MYO5B: variants seen among roughly 807,000 people sequenced by gnomAD.
The protein encoded by MYO5B is myosin VB, also known as unconventional myosin-Vb.
In MYO5B, 143 loss-of-function variants were observed where a neutral mutation model predicts 229.3. That is an observed-to-expected ratio of 0.62 (90% CI 0.54 to 0.72). The LOEUF is 0.72. Among genes scored for constraint, MYO5B ranks in the 30% least tolerant of loss-of-function variants. The pLI is 0.00. For synonymous variants in MYO5B, 918 were observed against 885.2 expected, an observed-to-expected ratio of 1.04 and a Z score of -0.66; for missense variants, 2,321 against 2,331.0, an observed-to-expected ratio of 1.00 and a Z score of 0.09.
intron 39 of MYO5B, among the ~76,000 whole-genome samples, chr18:49,834,647 T>C (rs528880659): frequency 1.3e-5 from 2 of 151,474 alleles, no homozygotes; most frequent in East Asian, 3.9e-4. Flanking sequence ...AATATTGTCT[T>C]TTTTTTTTGA....
At chr18:49,950,580 T>C (rs12964460) in intron 14 of MYO5B, among the ~76,000 whole-genome samples, 53,781 of 151,980 alleles carry the variant, frequency 0.35, 10,606 homozygotes, top group Middle Eastern at 0.58. Flanking sequence ...ACAACCAAGA[T>C]ACAATGGTAA....
chr18:49,851,333 C>G lies in MYO5B; in HGVS notation c.4222-1673G>C, dbSNP rs537325998. On this transcript the variant is annotated intron_variant, in intron 31 of 39. Coordinates refer to ENST00000285039, the MANE Select transcript of MYO5B (RefSeq NM_001080467.3). Reference sequence around the variant, plus strand: ...CTAAGACATGCCTGGGTGTCTAACCCCCAACCCCCTACAAATCCCAGAAGG... The same window carrying G: ...CTAAGACATGCCTGGGTGTCTAACCGCCAACCCCCTACAAATCCCAGAAGG... 2.0e-4 allele frequency among the ~76,000 whole-genome samples: 30 copies of G among 152,268 alleles called. 2 individuals carry two copies. The South Asian group carries it at 6.0e-3, about 31-fold the overall frequency.
chr18:50,106,002 C>T (rs1322970296), intron 1 of MYO5B, among the ~76,000 whole-genome samples: 3 of 151,950 alleles, frequency 2.0e-5, no homozygotes, highest in African/African-American at 7.3e-5. Flanking sequence ...TTTATAGAAC[C>T]ACCTCAAATT....
At chr18:50,051,312 T>TG (rs1401620848) in intron 2 of MYO5B, among the ~76,000 whole-genome samples, 6 of 152,206 alleles carry the variant, frequency 3.9e-5, no homozygotes, top group Non-Finnish European at 8.8e-5. Context: ...AAAGCTCACA[T>TG]GCTCCCCTGT....
At chr18:49,843,094 T>C (rs2144041196) in intron 34 of MYO5B, 147 bp downstream of exon 34, 1 of 1,034,706 alleles carries the variant, frequency 9.7e-7, no homozygotes, top group Non-Finnish European at 1.5e-6. Context: ...ATCCTGGTTA[T>C]ATGGATGCTT....
At chr18:50,158,425 A>G (rs2032715101) in intron 1 of MYO5B, among the ~76,000 whole-genome samples, 1 of 152,096 alleles carries the variant, frequency 6.6e-6, no homozygotes, top group Admixed American at 6.6e-5. Context: ...TGGACTTTTC[A>G]TCTACATTTT....
chr18:49,879,674 A>T (rs1028790296), intron 23 of MYO5B, among the ~76,000 whole-genome samples: 1 of 152,212 alleles, frequency 6.6e-6, no homozygotes, highest in African/African-American at 2.4e-5. Flanking sequence ...GACATGAATG[A>T]GGAACCTGAG....
intron 18 of MYO5B, among the ~76,000 whole-genome samples, chr18:49,910,590 T>C (rs1242020872): frequency 6.6e-6 from 1 of 150,666 alleles, no homozygotes. Flanking sequence ...AAAGATGGCA[T>C]GGCAAGGTGG....
At chr18:49,878,063 T>C (rs1452820894) in intron 24 of MYO5B, among the ~76,000 whole-genome samples, 181 bp from the exon 25 acceptor site, 1 of 152,216 alleles carries the variant, frequency 6.6e-6, no homozygotes, top group African/African-American at 2.4e-5. Context: ...CCTACAGTTC[T>C]TACTGTAGTC....
At chr18:50,043,257 T>A in intron 2 of MYO5B, among the ~76,000 whole-genome samples, 1 of 121,478 alleles carries the variant, frequency 8.2e-6, no homozygotes, top group Non-Finnish European at 1.7e-5. Flanking sequence ...TACATAAATA[T>A]TCATATATTT....
chr18:50,124,888 T>G lies in MYO5B; in HGVS notation c.28-69510A>C, dbSNP rs115388575. On this transcript the variant is annotated intron_variant, in intron 1 of 39. Transcript: ENST00000285039. ...AACATAAGAATTGGGAAGCCCCACT[T>G]TAATTTCCCCAGACTGGGAGAGGAC... Among the ~76,000 whole-genome samples the G allele has an allele frequency of 3.0e-3, 450 of 152,286 alleles. 2 individuals carry two copies. The highest frequency in any genetic ancestry group is 0.01 in the African/African-American group (429 of 41,550).
At chr18:49,892,151 G>A (rs182712883) in intron 22 of MYO5B, among the ~76,000 whole-genome samples, 11 of 152,338 alleles carry the variant, frequency 7.2e-5, no homozygotes, top group South Asian at 2.1e-4. Context: ...AAAAGCAGCC[G>A]GCATAGGGAT....
At chr18:50,188,785 TAAAAAAAAAAAAAAAAAAAAA>T (rs4042094) in intron 1 of MYO5B, among the ~76,000 whole-genome samples, 3 of 105,136 alleles carry the variant, frequency 2.9e-5, no homozygotes, top group African/African-American at 3.8e-5. Context: ...GACTCTGTCA[TAAAAAAAAAAAAAAAAAAAAA>T]AAAAAAAAAA....
At chr18:49,913,653 C>G (rs1173079475) in intron 17 of MYO5B, among the ~76,000 whole-genome samples, 1 of 152,084 alleles carries the variant, frequency 6.6e-6, no homozygotes, top group Admixed American at 6.5e-5. Flanking sequence ...GAGGACAGTT[C>G]CCTGGCAAAG....
intron 1 of MYO5B, among the ~76,000 whole-genome samples, chr18:50,075,606 G>A (rs2031060551): frequency 6.6e-6 from 1 of 152,112 alleles, no homozygotes; most frequent in Non-Finnish European, 1.5e-5. Context: ...CCTAGTGTGA[G>A]GTCCTACACT....
At chr18:49,979,018 C>G (rs114473564) in intron 9 of MYO5B, among the ~76,000 whole-genome samples, 3,775 of 152,222 alleles carry the variant, frequency 0.025, 146 homozygotes, top group African/African-American at 0.086. Context: ...ATGCTCTATG[C>G]CTTTCTTATC....
intron 9 of MYO5B, among the ~76,000 whole-genome samples, 164 bp from the exon 10 acceptor site, chr18:49,974,779 T>TCACA (rs111420791): frequency 0.015 from 1,809 of 117,068 alleles, 48 homozygotes; most frequent in African/African-American, 0.057. Flanking sequence ...GCAGTCTCTC[T>TCACA]CACACACACA....
chr18:50,054,261 G>T (rs1287566957), intron 2 of MYO5B, among the ~76,000 whole-genome samples: 1 of 152,202 alleles, frequency 6.6e-6, no homozygotes, highest in Non-Finnish European at 1.5e-5. Flanking sequence ...CTACTCCAGG[G>T]GCTGAGGCAG....
In MYO5B at chr18:50,105,154, G is replaced by A. The variant is rs527816061; in HGVS notation, c.28-49776C>T. Among the ~76,000 whole-genome samples the A allele has an allele frequency of 4.0e-5, 6 of 151,632 alleles. No individual in the cohort carries two copies. In the South Asian group the frequency reaches 6.3e-4, roughly 16 times the overall value. ...TGAGGCTGGAAGAAGAAAAAAGACC[G>A]GGACCAGTCACTAGCAGTCAGGGTG... On this transcript the variant is annotated intron_variant, in intron 1 of 39. Coordinates refer to ENST00000285039, the MANE Select transcript of MYO5B (RefSeq NM_001080467.3).
Sources: gnomAD v4.1 joint callset for allele counts (sites outside exome capture counted in the v4.1 genomes callset) on GRCh38, gnomAD v4.1.1 for gene constraint, MANE v1.5 for transcripts, NCBI Gene and HGNC (gene_info 2026-07-23, HGNC 2026-07-21) for gene names.